VDAC1: variants seen among roughly 807,000 people sequenced by gnomAD.
The protein encoded by VDAC1 is voltage dependent anion channel 1.
VDAC1 carries 10 observed loss-of-function variants against 34.7 expected under a neutral mutation model. The ratio of observed to expected loss-of-function variants is 0.29; its 90% CI spans 0.18 to 0.49. VDAC1 has a LOEUF of 0.49. Ranked by LOEUF, VDAC1 falls within the 20% of genes least tolerant of loss-of-function variation. VDAC1 has a pLI of 0.99. For missense variants in VDAC1, 230 were observed against 347.9 expected, an observed-to-expected ratio of 0.66 and a Z score of 2.69; for synonymous variants, 130 against 136.0, an observed-to-expected ratio of 0.96 and a Z score of 0.30.
intron 5 of VDAC1, among the ~76,000 whole-genome samples, chr5:133,986,459 C>CCAT (rs1752910551): frequency 6.6e-6 from 1 of 151,856 alleles, no homozygotes; most frequent in Non-Finnish European, 1.5e-5. Flanking sequence ...TGCAGTGGTA[C>CCAT]CATCTCGGCT....
the VDAC1 span, among the ~76,000 whole-genome samples, chr5:134,094,583 G>C: frequency 2.3e-4 from 35 of 151,580 alleles, no homozygotes; most frequent in African/African-American, 8.2e-4. Flanking sequence ...TGTAGTCCCA[G>C]CTAGTCGGGA....
chr5:134,100,212 C>CAGG, the VDAC1 span, among the ~76,000 whole-genome samples: 1 of 152,166 alleles, frequency 6.6e-6, no homozygotes, highest in Non-Finnish European at 1.5e-5. Context: ...GGCTGGTCTC[C>CAGG]AGGAGGAGGA....
chr5:134,041,770 G>A, the VDAC1 span, among the ~76,000 whole-genome samples: 97,816 of 151,902 alleles, frequency 0.64, 32,620 homozygotes, highest in Admixed American at 0.76. Flanking sequence ...CCCAGCTCCA[G>A]GCATCCCTGT....
the VDAC1 span, among the ~76,000 whole-genome samples, chr5:134,011,489 T>C: frequency 6.6e-6 from 1 of 152,126 alleles, no homozygotes. Context: ...CCCTGAAGAT[T>C]ACCATTGTAC....
At chr5:134,078,891 TTTGC>T in the VDAC1 span, among the ~76,000 whole-genome samples, 1 of 152,094 alleles carries the variant, frequency 6.6e-6, no homozygotes, top group Non-Finnish European at 1.5e-5. Context: ...CCTCAGATGA[TTTGC>T]CCACCTCAGC....
intron 5 of VDAC1, among the ~76,000 whole-genome samples, chr5:133,983,261 A>G (rs1006214192): frequency 1.3e-5 from 2 of 151,988 alleles, no homozygotes; most frequent in African/African-American, 2.4e-5. Flanking sequence ...AAAAAAAAAA[A>G]AAAGAAAAAG....
At chr5:134,097,105 GACCCTTCAC>G in the VDAC1 span, among the ~76,000 whole-genome samples, 678 of 152,310 alleles carry the variant, frequency 4.5e-3, 4 homozygotes, top group African/African-American at 0.016. Context: ...GTGCTGTCAG[GACCCTTCAC>G]ATCACTGCAA....
chr5:134,065,817 G>T, the VDAC1 span, among the ~76,000 whole-genome samples: 1 of 95,584 alleles, frequency 1.0e-5, no homozygotes, highest in African/African-American at 4.5e-5. Context: ...TTTTTGAGAC[G>T]GGGTTTCACT....
chr5:134,000,417 C>T (rs902321823), intron 1 of VDAC1, among the ~76,000 whole-genome samples: 1 of 152,186 alleles, frequency 6.6e-6, no homozygotes, highest in East Asian at 1.9e-4. Flanking sequence ...CTCAGGGCAG[C>T]CTGCCCACCC....
chr5:134,003,484 A>T (rs28679348), intron 1 of VDAC1, among the ~76,000 whole-genome samples: 1 of 152,250 alleles, frequency 6.6e-6, no homozygotes, highest in Non-Finnish European at 1.5e-5. Context: ...GACAATGTCC[A>T]TTTGTAAACT....
the VDAC1 span, among the ~76,000 whole-genome samples, chr5:134,076,350 C>T: frequency 6.6e-6 from 1 of 152,216 alleles, no homozygotes; most frequent in Non-Finnish European, 1.5e-5. Context: ...GGAGGCCTTC[C>T]TGAGTCCCCC....
the VDAC1 span, among the ~76,000 whole-genome samples, chr5:134,113,174 C>A: frequency 6.6e-6 from 1 of 152,228 alleles, no homozygotes; most frequent in East Asian, 1.9e-4. Flanking sequence ...GCAAGCCCAC[C>A]CTGGGAAGAG....
At chr5:134,048,355 C>T in the VDAC1 span, among the ~76,000 whole-genome samples, 1 of 151,978 alleles carries the variant, frequency 6.6e-6, no homozygotes, top group Non-Finnish European at 1.5e-5. Flanking sequence ...CAGCCTCTGC[C>T]TCCCAGTTTC....
chr5:134,036,701 C>A, the VDAC1 span, among the ~76,000 whole-genome samples: 1 of 151,008 alleles, frequency 6.6e-6, no homozygotes, highest in Non-Finnish European at 1.5e-5. Flanking sequence ...CGCCTGTAGT[C>A]CCAGCACTTT....
chr5:134,056,545 T>C, the VDAC1 span, among the ~76,000 whole-genome samples: 1 of 151,812 alleles, frequency 6.6e-6, no homozygotes, highest in Non-Finnish European at 1.5e-5. Context: ...GCTCAAGTGA[T>C]CCTCTAGCCT....
the VDAC1 span, among the ~76,000 whole-genome samples, chr5:134,072,192 A>G: frequency 3.9e-5 from 6 of 152,274 alleles, no homozygotes; most frequent in African/African-American, 1.4e-4. Context: ...TTAGGCACCT[A>G]CTATATATTA....
At chr5:134,039,609 G>A in the VDAC1 span, among the ~76,000 whole-genome samples, 78 of 152,224 alleles carry the variant, frequency 5.1e-4, no homozygotes, top group East Asian at 2.1e-3. Flanking sequence ...GATTACAGGC[G>A]TGAGCCACCG....
chr5:133,992,313 T>C lies in VDAC1; in HGVS notation c.110A>G (p.Asn37Ser), dbSNP rs1753135065. 6.3e-7 allele frequency: 1 copy of C among 1,581,958 alleles called. No homozygotes were observed. Among genetic ancestry groups the C allele is most frequent in the Non-Finnish European group, 8.6e-7 (1 of 1,165,700 alleles). Residue 37 changes from asparagine (N) to serine (S), a missense_variant, in exon 3 of 9, where the codon AAT becomes AGT. Transcript: ENST00000265333. ...IKLDLKTKSENGLEFTSSGSA... is the reference protein window; with the variant it reads ...IKLDLKTKSESGLEFTSSGSA... ...GTGGGTTGGACAACTTACCAATCCA[T>C]TCTCAGATTTTGTTTTCAAATCAAG... is the stretch of plus-strand genomic sequence containing the variant.
chr5:134,032,000 G>A, the VDAC1 span, among the ~76,000 whole-genome samples: 1 of 149,348 alleles, frequency 6.7e-6, no homozygotes, highest in South Asian at 2.2e-4. Context: ...GTGGTGTCAT[G>A]CACCTGTAGT....
Sources: gnomAD v4.1 joint callset for allele counts (sites outside exome capture counted in the v4.1 genomes callset) on GRCh38, gnomAD v4.1.1 for gene constraint, MANE v1.5 for transcripts, NCBI Gene and HGNC (gene_info 2026-07-23, HGNC 2026-07-21) for gene names.